Variants in DNTTIP2 observed in about 807,000 individuals in gnomAD.
DNTTIP2 encodes the protein deoxynucleotidyltransferase terminal-interacting protein 2.
DNTTIP2 carries 47 observed loss-of-function variants against 62.4 expected under a neutral mutation model. The observed-to-expected ratio is 0.75, with a 90% confidence interval of 0.60 to 0.96. The LOEUF (loss-of-function observed/expected upper bound fraction) is 0.96, where lower values mean the gene tolerates loss of function less well. Among genes scored for constraint, DNTTIP2 ranks in the 40% least tolerant of loss-of-function variants. The probability of loss-of-function intolerance (pLI) is 0.00; values close to 1 mark genes in which losing one functional copy is unlikely to be tolerated. For synonymous variants in DNTTIP2, 322 were observed against 300.9 expected, an observed-to-expected ratio of 1.07 and a Z score of -0.73; for missense variants, 870 against 849.1, an observed-to-expected ratio of 1.02 and a Z score of -0.31.
At position 93,867,775 on chromosome 1, in the gene DNTTIP2, T is replaced by C. The variant is rs577793768; in HGVS notation, c.*2076A>G. 6 of 151,904 alleles carry C rather than the reference T, an allele frequency of 3.9e-5. No homozygotes were observed. The South Asian group carries it at 1.0e-3, about 26-fold the overall frequency. The allele number at this position is 151,904 out of a possible 1,614,324, so 9.4% of individuals were successfully genotyped here. On this transcript the variant is annotated 3_prime_UTR_variant, in exon 7 of 7. Coordinates refer to ENST00000436063, the MANE Select transcript of DNTTIP2 (RefSeq NM_014597.5). ...TCTCTCATACTGGGTCCTTATTTTA[T>C]CCAGTAGAAGGCAAAACATAGTATT...
At position 93,870,756 on chromosome 1, in the gene DNTTIP2, G is replaced by A. The variant is rs1443170965; in HGVS notation, c.2104C>T (p.His702Tyr). The change falls in exon 6 of 7, where the codon CAT becomes TAT. Residue 702 changes from histidine to tyrosine, a missense_variant. Transcript: ENST00000436063. ...TIVDNPADFY[H>Y]SRIPKKQRKR... is the part of the protein sequence containing the mutation. ...CTTTGCTTCTTGGGAATTCGTGAAT[G>A]GTAGAAATCAGCTGGATTGTCAACA... 1.3e-6 allele frequency: 2 copies of A among 1,568,312 alleles called. No individual in the cohort carries two copies. Among genetic ancestry groups the A allele is most frequent in the East Asian group, 2.3e-5 (1 of 43,646 alleles).
rs1655912309 is a variant in DNTTIP2, at chr1:93,873,136, G to T, written c.1885C>A (p.Leu629Ile). 5.0e-6 allele frequency: 8 copies of T among 1,609,424 alleles called. No homozygotes were observed. The highest frequency in any genetic ancestry group is 6.8e-6 in the Non-Finnish European group (8 of 1,177,620). ...GTACTTACTCTGCGTTTTTTCTGAA[G>T]TTGATACTTTGATTCACTATATGGT... ...VPPYSESKYQ[L>I]QKKRRKERQK... Residue 629 changes from leucine (L) to isoleucine (I), a missense_variant, in exon 4 of 7, where the codon CTT becomes ATT. By Grantham distance (5) the Leu-to-Ile change is conservative. Transcript: ENST00000436063.
chr1:93,875,876 C>A (rs1279403981), intron 2 of DNTTIP2, 93 bp from the exon 3 acceptor site: 4 of 1,299,526 alleles, frequency 3.1e-6, no homozygotes, highest in African/African-American at 1.5e-5. Flanking sequence ...TTCTTCTCTT[C>A]CCTTGTATTG....
At chr1:93,873,439 A>AAAT in intron 3 of DNTTIP2, 1 of 373,592 alleles carries the variant, frequency 2.7e-6, no homozygotes, top group Non-Finnish European at 4.9e-6. Context: ...AAAAAAAAAA[A>AAAT]AAAAGAAAAG....
chr1:93,879,024 C>A (rs6675820), intron 1 of DNTTIP2, 53 bp downstream of exon 1: 561,224 of 1,602,316 alleles, frequency 0.35, 100,028 homozygotes, highest in Admixed American at 0.45. Flanking sequence ...GCCCCGCCTG[C>A]CTGAGCGCGG....
intron 5 of DNTTIP2, among the ~76,000 whole-genome samples, chr1:93,871,365 C>A (rs1655858155): frequency 6.6e-6 from 1 of 152,178 alleles, no homozygotes; most frequent in African/African-American, 2.4e-5. Flanking sequence ...ATGTGCTGAA[C>A]AAAACACTAT....
In DNTTIP2 at chr1:93,876,563, TCTCA is replaced by T. The variant is rs759899122; in HGVS notation, c.1368_1371del (p.Ser456ArgfsTer19). 7 of 1,613,922 alleles carry T rather than the reference TCTCA, an allele frequency of 4.3e-6. No homozygotes were observed. Among genetic ancestry groups the T allele is most frequent in the South Asian group, 1.1e-5 (1 of 91,088 alleles). ...ACAAAACATAAAGTATCCTCTTCAT[TCTCA>T]CTGTTTTCAGACTGTTGGCTTTCAT... On this transcript the variant is annotated frameshift_variant, in exon 2 of 7. Coordinates refer to ENST00000436063, the MANE Select transcript of DNTTIP2 (RefSeq NM_014597.5). LOFTEE classifies it high-confidence loss of function.
intron 3 of DNTTIP2, among the ~76,000 whole-genome samples, chr1:93,873,605 C>T (rs533775586): frequency 6.9e-6 from 1 of 145,454 alleles, no homozygotes; most frequent in Admixed American, 7.0e-5. Flanking sequence ...TGTCTCCCCC[C>T]AAACCCAGCT....
chr1:93,870,580 G>T (rs1203477895), intron 6 of DNTTIP2, 103 bp downstream of exon 6: 5 of 542,630 alleles, frequency 9.2e-6, no homozygotes, highest in African/African-American at 3.8e-5. Flanking sequence ...ATATGTTATG[G>T]GTTATTATAA....
intron 4 of DNTTIP2, 92 bp from the exon 5 acceptor site, chr1:93,872,328 G>T (rs2100883997): frequency 1.5e-6 from 2 of 1,297,806 alleles, no homozygotes; most frequent in Admixed American, 2.6e-5. Flanking sequence ...AGAAAATTTT[G>T]TAAATTAAAA....
Position 93,877,801 on chromosome 1 carries a change from G to A in DNTTIP2, c.134C>T (p.Thr45Ile). The change falls in exon 2 of 7, where the codon ACT becomes ATT. Residue 45 changes from threonine (T) to isoleucine (I), a missense_variant. Transcript: ENST00000436063. The part of the protein sequence containing the change: ...PESSTGSDAR[T>I]TAESQTTGKQ... ...CCCAGTGGTCTGTGATTCAGCAGTA[G>A]TTCGGGCATCAGATCCAGTACTACT... 1 of 1,608,136 alleles carries A rather than the reference G, an allele frequency of 6.2e-7. No individual in the cohort carries two copies. Among genetic ancestry groups the A allele is most frequent in the Non-Finnish European group, 8.5e-7 (1 of 1,179,862 alleles).
chr1:93,873,231 T>C lies in DNTTIP2; in HGVS notation c.1807-17A>G. ...CTGCAGAAGCTATAAAAACATAAAATTGGTTTTAAAATAATGTCAGAATGT... is the reference window on the plus strand; with the variant it reads ...CTGCAGAAGCTATAAAAACATAAAACTGGTTTTAAAATAATGTCAGAATGT... On this transcript the variant is annotated splice_polypyrimidine_tract_variant and intron_variant, in intron 3 of 6. Coordinates refer to ENST00000436063, the MANE Select transcript of DNTTIP2 (RefSeq NM_014597.5). 7.0e-6 allele frequency: 11 copies of C among 1,575,652 alleles called. No homozygotes were observed. The highest frequency in any genetic ancestry group is 8.7e-6 in the Non-Finnish European group (10 of 1,149,328).
At chr1:93,875,507 CT>C (rs1487522030) in intron 3 of DNTTIP2, 137 bp downstream of exon 3, 1 of 746,784 alleles carries the variant, frequency 1.3e-6, no homozygotes. Context: ...AAAGAAATGA[CT>C]GTTTTAGAGA....
chr1:93,873,356 C>G (rs1655918002), intron 3 of DNTTIP2, 142 bp from the exon 4 acceptor site: 1 of 587,412 alleles, frequency 1.7e-6, no homozygotes, highest in Admixed American at 3.2e-5. Context: ...TTTGAGGAGG[C>G]CAAGGGAGGA....
In DNTTIP2 at chr1:93,876,950, T is replaced by C. The variant is rs1656027035; in HGVS notation, c.985A>G (p.Thr329Ala). ...QLKNLSELQD[T>A]SLQQLVSQRH... ...TGAGAAACTAACTGTTGAAGGCTAG[T>C]GTCCTGAAGTTCAGAAAGATTCTTC... Residue 329 changes from threonine (T) to alanine (A), a missense_variant, in exon 2 of 7, where the codon ACT becomes GCT. By Grantham distance (58) the Thr-to-Ala change is moderately conservative. Coordinates refer to ENST00000436063, the MANE Select transcript of DNTTIP2 (RefSeq NM_014597.5). 1 of 1,613,114 alleles carries C rather than the reference T, an allele frequency of 6.2e-7. No homozygotes were observed. Among genetic ancestry groups the C allele is most frequent in the Non-Finnish European group, 8.5e-7 (1 of 1,179,734 alleles).
intron 5 of DNTTIP2, among the ~76,000 whole-genome samples, chr1:93,871,761 C>G (rs1287297633): frequency 6.6e-6 from 1 of 152,186 alleles, no homozygotes; most frequent in Admixed American, 6.5e-5. Context: ...CCCTTTTACC[C>G]CTATCCCGTA....
intron 3 of DNTTIP2, among the ~76,000 whole-genome samples, chr1:93,874,669 C>T (rs928742027): frequency 3.3e-5 from 5 of 152,060 alleles, no homozygotes; most frequent in African/African-American, 1.2e-4. Context: ...TTTTTTGGGG[C>T]AGGGAGGAGA....
chr1:93,878,673 A>T (rs1348453949), intron 1 of DNTTIP2: 5 of 163,250 alleles, frequency 3.1e-5, no homozygotes, highest in African/African-American at 9.6e-5. Flanking sequence ...CGCCTTAAGG[A>T]GGTGATGCTG....
At position 93,879,142 on chromosome 1, in the gene DNTTIP2, C is replaced by T. The variant is rs748109096; in HGVS notation, c.7G>A (p.Val3Ile). 5.0e-6 allele frequency: 8 copies of T among 1,612,924 alleles called. No individual in the cohort carries two copies. Among genetic ancestry groups the T allele is most frequent in the Non-Finnish European group, 6.8e-6 (8 of 1,179,704 alleles). ...GCCTTAGCCCGTGCAGATCTGGTAA[C>T]CACCATCTTTCCGGCTCCCTCGCGA... MV[V>I]TRSARAKASI... is the part of the protein sequence containing the mutation. Residue 3 changes from valine to isoleucine, a missense_variant, in exon 1 of 7, where the codon GTT becomes ATT. Physicochemically the swap from Val to Ile is conservative, Grantham distance 29. Coordinates refer to ENST00000436063, the MANE Select transcript of DNTTIP2 (RefSeq NM_014597.5).
Sources: gnomAD v4.1 joint callset for allele counts (sites outside exome capture counted in the v4.1 genomes callset) on GRCh38, gnomAD v4.1.1 for gene constraint, MANE v1.5 for transcripts, NCBI Gene and HGNC (gene_info 2026-07-23, HGNC 2026-07-21) for gene names.